The following TRIM23 variants were observed in gnomAD, a reference collection of about 807,000 sequenced individuals.
The protein encoded by TRIM23 is E3 ubiquitin-protein ligase TRIM23.
In TRIM23, 27 loss-of-function variants were observed where a neutral mutation model predicts 71.0. The ratio of observed to expected loss-of-function variants is 0.38; its 90% confidence interval spans 0.28 to 0.52. The LOEUF is 0.52. Among genes scored for constraint, TRIM23 ranks in the 20% least tolerant of loss-of-function variants. TRIM23 has a pLI of 0.84. For missense variants in TRIM23, 482 were observed against 692.3 expected (o/e 0.70, Z 3.41); for synonymous variants, 234 against 238.0 (o/e 0.98, Z 0.16).
At position 65,589,755 on chromosome 5, in the gene TRIM23, G is replaced by C. The variant is rs1028536805; in HGVS notation, c.*2014C>G. Reference sequence around the variant, plus strand: ...GTAGTGCAAATAATGGCTTCTGATGGTTATAAAGCATTCCTGAATTATAGA... The same window carrying C: ...GTAGTGCAAATAATGGCTTCTGATGCTTATAAAGCATTCCTGAATTATAGA... On this transcript the variant is annotated 3_prime_UTR_variant, in exon 11 of 11. Coordinates refer to ENST00000231524, the MANE Select transcript of TRIM23 (RefSeq NM_001656.4). 6.6e-6 allele frequency: 1 copy of C among 152,322 alleles called. No homozygotes were observed. The highest frequency in any genetic ancestry group is 1.9e-4 in the East Asian group (1 of 5,194). The allele number at this position is 152,322 out of a possible 1,614,324, so 9.4% of individuals were successfully genotyped here. A position where few individuals can be genotyped will look rare whatever the true frequency, so the allele number is the denominator to read the frequency against.
intron 6 of TRIM23, among the ~76,000 whole-genome samples, chr5:65,605,273 G>C (rs1173723097): frequency 1.3e-5 from 2 of 152,174 alleles, no homozygotes; most frequent in Non-Finnish European, 2.9e-5. Context: ...ATCACAGTGA[G>C]AATAAACCAT....
chr5:65,619,708 A>G (rs1164599637), intron 1 of TRIM23, among the ~76,000 whole-genome samples: 2 of 152,238 alleles, frequency 1.3e-5, no homozygotes, highest in Non-Finnish European at 2.9e-5. Context: ...AATAAAAATA[A>G]GAAACATAAC....
In TRIM23 at chr5:65,590,252, G is replaced by T; in HGVS notation, c.*1517C>A. On this transcript the variant is annotated 3_prime_UTR_variant, in exon 11 of 11. Transcript: ENST00000231524. The stretch of plus-strand genomic sequence containing the variant: ...GTCAAATATTAAATAATTTAATTCG[G>T]AAGTATTATTTATGCACACAAACTA... 9.4e-7 allele frequency: 1 copy of T among 1,058,314 alleles called. No individual in the cohort carries two copies. The highest frequency in any genetic ancestry group is 1.4e-6 in the Non-Finnish European group (1 of 713,792). 65.6% of individuals were successfully genotyped at this position (1,058,314 alleles called of 1,614,324 possible).
At chr5:65,619,837 T>A (rs1754878781) in intron 1 of TRIM23, among the ~76,000 whole-genome samples, 1 of 152,112 alleles carries the variant, frequency 6.6e-6, no homozygotes, top group African/African-American at 2.4e-5. Context: ...ATCCCAACAC[T>A]TTGGGAGGCC....
intron 2 of TRIM23, among the ~76,000 whole-genome samples, chr5:65,616,299 A>T (rs990872006): frequency 1.3e-5 from 2 of 152,196 alleles, no homozygotes; most frequent in South Asian, 4.1e-4. Context: ...AACATTGAGG[A>T]TAGTAACTCT....
intron 4 of TRIM23, 45 bp from the exon 5 acceptor site, chr5:65,611,088 C>T: frequency 6.8e-7 from 1 of 1,479,890 alleles, no homozygotes; most frequent in Non-Finnish European, 9.0e-7. Flanking sequence ...ATAGTATTGA[C>T]TAATAATATA....
Position 65,611,816 on chromosome 5 carries a change from A to G in TRIM23, c.432T>C (p.Thr144=). 6.2e-7 allele frequency: 1 copy of G among 1,614,174 alleles called. No homozygotes were observed. Among genetic ancestry groups the G allele is most frequent in the Non-Finnish European group, 8.5e-7 (1 of 1,180,002 alleles). ...CTTGAGAACACTCAGAGCACAAATG[A>G]GTTGCACACACAGTGCAATATACAG... The part of the protein sequence containing the change: ...LASVYCTVCA[T]HLCSECSQVT... Residue 144 remains threonine, a synonymous_variant, in exon 4 of 11, where the codon ACT becomes ACC. Transcript: ENST00000231524.
In TRIM23 at chr5:65,590,826, AC is replaced by A; in HGVS notation, c.*942del. ...GTAATAAGCATTTGCCACTGTACTT[AC>A]AACTTCTCTTGAAGTTCGCTTTCTA... On this transcript the variant is annotated 3_prime_UTR_variant, in exon 11 of 11. Coordinates refer to ENST00000231524, the MANE Select transcript of TRIM23 (RefSeq NM_001656.4). 1 of 985,570 alleles carries A rather than the reference AC, an allele frequency of 1.0e-6. No homozygotes were observed. Among genetic ancestry groups the A allele is most frequent in the Non-Finnish European group, 1.2e-6 (1 of 830,042 alleles). The allele number at this position is 985,570 out of a possible 1,614,324, so 61.1% of individuals were successfully genotyped here.
intron 1 of TRIM23, among the ~76,000 whole-genome samples, chr5:65,619,927 C>CA (rs903629475): frequency 1.3e-5 from 2 of 151,778 alleles, no homozygotes; most frequent in African/African-American, 2.4e-5. Context: ...ACTAAAAATA[C>CA]AAAAAAATTA....
rs776070631 is a variant in TRIM23 at position 65,591,473 on chromosome 5, C to T, written c.*296G>A. On this transcript the variant is annotated 3_prime_UTR_variant, in exon 11 of 11. Coordinates refer to ENST00000231524, the MANE Select transcript of TRIM23 (RefSeq NM_001656.4). ...CCTTTCTCTGTGACTACCTCTTTCCCAGTATATTGGTCACATATTATCTGA... is the reference window on the plus strand; with the variant it reads ...CCTTTCTCTGTGACTACCTCTTTCCTAGTATATTGGTCACATATTATCTGA... 6.3e-7 allele frequency: 1 copy of T among 1,592,488 alleles called. No homozygotes were observed. Among genetic ancestry groups the T allele is most frequent in the Admixed American group, 1.8e-5 (1 of 56,800 alleles).
chr5:65,611,711 A>G lies in TRIM23; in HGVS notation c.537T>C (p.Ser179=), dbSNP rs769916269. 3 of 1,614,214 alleles carry G rather than the reference A, an allele frequency of 1.9e-6. No individual in the cohort carries two copies. Among genetic ancestry groups the G allele is most frequent in the Non-Finnish European group, 2.5e-6 (3 of 1,180,044 alleles). ...ADKPHEKTMC[S]QHQVHAIEFV... is the part of the protein sequence containing the mutation. ...ACTCAATGGCATGCACCTGGTGCTGAGAGCACATAGTTTTCTCATGAGGTT... is the reference window on the plus strand; with the variant it reads ...ACTCAATGGCATGCACCTGGTGCTGGGAGCACATAGTTTTCTCATGAGGTT... The change falls in exon 4 of 11, where the codon TCT becomes TCC. Residue 179 remains serine (S), a synonymous_variant. Coordinates refer to ENST00000231524, the MANE Select transcript of TRIM23 (RefSeq NM_001656.4).
rs111699495 is a variant in TRIM23 at position 65,612,523 on chromosome 5, T to TAA, written c.367-644_367-643dup. ...GCAGAAAACCACTGATTTAAGCAAA[T>TAA]AAAAAAAAAAATAGGCCAGGCTCAG... On this transcript the variant is annotated intron_variant, in intron 3 of 10. Coordinates refer to ENST00000231524, the MANE Select transcript of TRIM23 (RefSeq NM_001656.4). 2.8e-4 allele frequency among the ~76,000 whole-genome samples: 41 copies of TAA among 145,512 alleles called. 1 individual carries two copies. In the South Asian group the frequency reaches 8.8e-3, roughly 31 times the overall value.
chr5:65,615,557 T>G (rs1395336105), intron 2 of TRIM23, among the ~76,000 whole-genome samples: 2 of 151,212 alleles, frequency 1.3e-5, no homozygotes, highest in Non-Finnish European at 2.9e-5. Flanking sequence ...TGTGTTGTGG[T>G]TCTCCCAAAA....
chr5:65,620,937 G>A (rs182545907), intron 1 of TRIM23, among the ~76,000 whole-genome samples: 32 of 152,108 alleles, frequency 2.1e-4, no homozygotes, highest in Admixed American at 2.0e-3. Flanking sequence ...AACTGAGGTG[G>A]GAGGATCATT....
chr5:65,621,901 C>T (rs559500389), intron 1 of TRIM23, among the ~76,000 whole-genome samples: 2 of 151,878 alleles, frequency 1.3e-5, no homozygotes, highest in East Asian at 3.9e-4. Flanking sequence ...GAGCATGGTT[C>T]ACTGCAGCCT....
intron 7 of TRIM23, among the ~76,000 whole-genome samples, chr5:65,600,850 T>C (rs925875098): frequency 6.6e-6 from 1 of 152,070 alleles, no homozygotes; most frequent in Non-Finnish European, 1.5e-5. Flanking sequence ...GAAATAGACA[T>C]ATTCAAGGCA....
intron 1 of TRIM23, among the ~76,000 whole-genome samples, chr5:65,622,674 C>T (rs187045940): frequency 2.6e-5 from 4 of 152,288 alleles, no homozygotes; most frequent in Admixed American, 2.0e-4. Context: ...ACTATACCTA[C>T]TACAAATTAT....
chr5:65,604,824 G>T (rs950696187), intron 7 of TRIM23, 87 bp downstream of exon 7: 4 of 1,279,116 alleles, frequency 3.1e-6, no homozygotes, highest in South Asian at 1.9e-5. Flanking sequence ...GAATTTCATG[G>T]TTGTCTCTTT....
intron 6 of TRIM23, among the ~76,000 whole-genome samples, chr5:65,606,302 T>C (rs1404638631): frequency 6.6e-6 from 1 of 151,918 alleles, no homozygotes; most frequent in East Asian, 1.9e-4. Flanking sequence ...AAAAAGTAGC[T>C]GGATGTGGTG....
Sources: gnomAD v4.1 joint callset for allele counts (sites outside exome capture counted in the v4.1 genomes callset) on GRCh38, gnomAD v4.1.1 for gene constraint, MANE v1.5 for transcripts, NCBI Gene and HGNC (gene_info 2026-07-23, HGNC 2026-07-21) for gene names.